RFTN1: variants seen among roughly 807,000 people sequenced by gnomAD.
RFTN1 encodes raftlin, lipid raft linker 1.
In RFTN1, 26 loss-of-function variants were observed where a neutral mutation model predicts 46.5. That is an observed-to-expected ratio of 0.56 (90% CI 0.41 to 0.78). RFTN1 has a LOEUF of 0.78. Among genes scored for constraint, RFTN1 ranks in the 30% least tolerant of loss-of-function variants. The pLI, the probability that RFTN1 is intolerant of heterozygous loss-of-function variation, is 0.00. For missense variants in RFTN1, 693 were observed against 718.7 expected (o/e 0.96, Z 0.41); for synonymous variants, 261 against 284.2 (o/e 0.92, Z 0.82).
At position 16,432,135 on chromosome 3, in the gene RFTN1, C is replaced by T. The variant is rs1028047320; in HGVS notation, c.332+1716G>A. Among the ~76,000 whole-genome samples the T allele has an allele frequency of 6.6e-5, 10 of 152,288 alleles. No homozygotes were observed. The East Asian group carries it at 1.9e-3, about 29-fold the overall frequency. On this transcript the variant is annotated intron_variant, in intron 3 of 9. Transcript: ENST00000334133. The stretch of plus-strand genomic sequence containing the variant: ...TATAAGCTACTGTCATTATACATAT[C>T]CTATGTGTCAGTGTCACTCAAAACC...
Position 16,484,683 on chromosome 3 carries a change from A to G in RFTN1, c.145+9042T>C, listed in dbSNP as rs912845840. 1.3e-5 allele frequency: 2 copies of G among 152,238 alleles called. No individual in the cohort carries two copies. The highest frequency in any genetic ancestry group is 4.8e-5 in the African/African-American group (2 of 41,460). 9.4% of individuals were successfully genotyped at this position (152,238 alleles called of 1,614,324 possible). On this transcript the variant is annotated intron_variant, in intron 2 of 9. Transcript: ENST00000334133. The surrounding 1 kb of genome is among the most constrained non-coding windows in gnomAD (Gnocchi z 4.6). ...GAATAAATTACCTTTGAACTTTTTC[A>G]TGTTGAAGCCCTTCAATTTAGTTTA...
chr3:16,460,237 A>AT lies in RFTN1; in HGVS notation c.146-26201dup, dbSNP rs1250610036. Reference sequence around the variant, plus strand: ...TTTTTATCTATTGTGTTATTTTGATATTTGTACATTTACTGGGATCTGGCA... The same window carrying AT: ...TTTTTATCTATTGTGTTATTTTGATATTTTGTACATTTACTGGGATCTGGCA... On this transcript the variant is annotated intron_variant, in intron 2 of 9. Coordinates refer to ENST00000334133, the MANE Select transcript of RFTN1 (RefSeq NM_015150.2). The surrounding 1 kb of genome is among the most constrained non-coding windows in gnomAD (Gnocchi z 4.8). 6.6e-6 allele frequency among the ~76,000 whole-genome samples: 1 copy of AT among 152,150 alleles called. No homozygotes were observed. Among genetic ancestry groups the AT allele is most frequent in the Non-Finnish European group, 1.5e-5 (1 of 68,012 alleles).
intron 1 of RFTN1, among the ~76,000 whole-genome samples, chr3:16,497,443 A>G (rs2124999073): frequency 6.6e-6 from 1 of 152,194 alleles, no homozygotes; most frequent in African/African-American, 2.4e-5. Flanking sequence ...AGGCGAAAGG[A>G]CTCTTCTCTC....
At position 16,376,306 on chromosome 3, in the gene RFTN1, C is replaced by T. The variant is rs981850786; in HGVS notation, c.826+1412G>A. 3.9e-5 allele frequency among the ~76,000 whole-genome samples: 6 copies of T among 152,280 alleles called. No individual in the cohort carries two copies. In the East Asian group the frequency reaches 9.6e-4, roughly 24 times the overall value. On this transcript the variant is annotated intron_variant, in intron 5 of 9. Transcript: ENST00000334133. The surrounding 1 kb of genome is among the most constrained non-coding windows in gnomAD (Gnocchi z 4.7). ...TTTCAAAGGGTGAGAAACTGAGGCA[C>T]GGAAGGCAGGCCGGAATGTATACTC...
Position 16,468,758 on chromosome 3 carries a change from A to G in RFTN1, c.145+24967T>C, listed in dbSNP as rs763135821. ...CAAGCTGAGCCAATTATCACCAATC[A>G]TAAAAGATGACTTATAAGAGGCCCT... On this transcript the variant is annotated intron_variant, in intron 2 of 9. Coordinates refer to ENST00000334133, the MANE Select transcript of RFTN1 (RefSeq NM_015150.2). This position sits in a 1 kb window ranked among gnomAD's most constrained non-coding sequence, Gnocchi z 4.4. Among the ~76,000 whole-genome samples the G allele has an allele frequency of 1.3e-5, 2 of 152,254 alleles. No homozygotes were observed. The highest frequency in any genetic ancestry group is 2.9e-5 in the Non-Finnish European group (2 of 68,040).
chr3:16,513,220 T>C lies in RFTN1; in HGVS notation c.-9+222A>G, dbSNP rs1693743204. ...TACACCCGTTCCCCGCAAAAAAAAGTTGGCCCAAGATCCAGGCGTCCCAAG... is the reference window on the plus strand; with the variant it reads ...TACACCCGTTCCCCGCAAAAAAAAGCTGGCCCAAGATCCAGGCGTCCCAAG... On this transcript the variant is annotated intron_variant, in intron 1 of 9. Transcript: ENST00000334133. The surrounding 1 kb of genome is among the most constrained non-coding windows in gnomAD (Gnocchi z 5.4). 3 of 152,642 alleles carry C rather than the reference T, an allele frequency of 2.0e-5. No homozygotes were observed. Among genetic ancestry groups the C allele is most frequent in the Admixed American group, 1.3e-4 (2 of 15,288 alleles). The allele number at this position is 152,642 out of a possible 1,614,324, so 9.5% of individuals were successfully genotyped here.
intron 2 of RFTN1, among the ~76,000 whole-genome samples, chr3:16,464,942 G>A (rs1355625060): frequency 6.6e-6 from 1 of 152,166 alleles, no homozygotes; most frequent in Non-Finnish European, 1.5e-5. Flanking sequence ...TGCATGTGCG[G>A]TTCCCTGATT....
rs1412921035 is a variant in RFTN1, at chr3:16,424,358, T to G, written c.332+9493A>C. Among the ~76,000 whole-genome samples the G allele has an allele frequency of 6.6e-6, 1 of 152,212 alleles. No individual in the cohort carries two copies. The highest frequency in any genetic ancestry group is 1.5e-5 in the Non-Finnish European group (1 of 68,038). ...ATGAGAAGTGGGGAATGAGGGAAGG[T>G]CATGGTATCTTTTGGTTACAAAACA... On this transcript the variant is annotated intron_variant, in intron 3 of 9. Coordinates refer to ENST00000334133, the MANE Select transcript of RFTN1 (RefSeq NM_015150.2). This position sits in a 1 kb window ranked among gnomAD's most constrained non-coding sequence, Gnocchi z 4.7.
At chr3:16,508,599 A>C (rs1432907804) in intron 1 of RFTN1, among the ~76,000 whole-genome samples, 1 of 152,186 alleles carries the variant, frequency 6.6e-6, no homozygotes, top group Non-Finnish European at 1.5e-5. Flanking sequence ...AAAACATGCA[A>C]TGCTAATAAT....
At chr3:16,339,193 A>G (rs2071134650) in intron 7 of RFTN1, 1 of 152,208 alleles carries the variant, frequency 6.6e-6, no homozygotes, top group Admixed American at 6.5e-5. Context: ...CACATTCTCA[A>G]GCCATGCTGG....
At chr3:16,453,443 T>A (rs2075853227) in intron 2 of RFTN1, among the ~76,000 whole-genome samples, 1 of 152,200 alleles carries the variant, frequency 6.6e-6, no homozygotes, top group South Asian at 2.1e-4. Flanking sequence ...AAAATGACTC[T>A]TAAAAACCAA....
chr3:16,364,649 T>C (rs1243624319), intron 6 of RFTN1, among the ~76,000 whole-genome samples: 1 of 152,132 alleles, frequency 6.6e-6, no homozygotes, highest in African/African-American at 2.4e-5. Flanking sequence ...TGCTGTCCTA[T>C]ATGGGGCAAA....
rs73022288 is a variant in RFTN1 at position 16,440,690 on chromosome 3, G to A, written c.146-6653C>T. The stretch of plus-strand genomic sequence containing the variant: ...GGGACAAGATGGTTACTGCTAATGG[G>A]GGGGGGGCCCAATGGTGCCAGAACT... On this transcript the variant is annotated intron_variant, in intron 2 of 9. Coordinates refer to ENST00000334133, the MANE Select transcript of RFTN1 (RefSeq NM_015150.2). The surrounding 1 kb of genome is among the most constrained non-coding windows in gnomAD (Gnocchi z 4.6). Among the ~76,000 whole-genome samples the A allele has an allele frequency of 5.3e-5, 8 of 152,046 alleles. No individual in the cohort carries two copies. The highest frequency in any genetic ancestry group is 1.9e-4 in the East Asian group (1 of 5,186).
Position 16,418,361 on chromosome 3 carries a change from C to A in RFTN1, c.333-8878G>T, listed in dbSNP as rs1266278179. Among the ~76,000 whole-genome samples, 1 of 152,188 alleles carries A rather than the reference C, an allele frequency of 6.6e-6. No individual in the cohort carries two copies. The highest frequency in any genetic ancestry group is 1.5e-5 in the Non-Finnish European group (1 of 68,024). On this transcript the variant is annotated intron_variant, in intron 3 of 9. Transcript: ENST00000334133. This position sits in a 1 kb window ranked among gnomAD's most constrained non-coding sequence, Gnocchi z 5.0. ...AAACATGTAATAAATCCCATTTTGG[C>A]TCATAAATCCCTTAGATCTCTTCAA... is the stretch of plus-strand genomic sequence containing the variant.
At chr3:16,350,535 C>G (rs2072030740) in intron 7 of RFTN1, among the ~76,000 whole-genome samples, 1 of 150,922 alleles carries the variant, frequency 6.6e-6, no homozygotes, top group Non-Finnish European at 1.5e-5. Context: ...TCCATACATA[C>G]TATTCTGTAA....
chr3:16,493,918 T>C (rs1189928055), intron 1 of RFTN1, 41 bp from the exon 2 acceptor site: 1 of 1,611,038 alleles, frequency 6.2e-7, no homozygotes, highest in Admixed American at 1.7e-5. Flanking sequence ...GATTTTTTTC[T>C]GAGATTTTGT....
In RFTN1 at chr3:16,483,675, G is replaced by C. The variant is rs2124974754; in HGVS notation, c.145+10050C>G. 6.6e-6 allele frequency among the ~76,000 whole-genome samples: 1 copy of C among 152,150 alleles called. No homozygotes were observed. Among genetic ancestry groups the C allele is most frequent in the Non-Finnish European group, 1.5e-5 (1 of 68,012 alleles). The stretch of plus-strand genomic sequence containing the variant: ...GTTATGATTTGGTCATAATACATAG[G>C]TAGGTAAGTAAACATTTGTTGAATT... On this transcript the variant is annotated intron_variant, in intron 2 of 9. Coordinates refer to ENST00000334133, the MANE Select transcript of RFTN1 (RefSeq NM_015150.2). The surrounding 1 kb of genome is among the most constrained non-coding windows in gnomAD (Gnocchi z 4.8).
rs2071620322 is a variant in RFTN1, at chr3:16,345,788, C to CTCTGTGTGTGTGTG, written c.1146+12143_1146+12144insCACACACACACAGA. ...TGAGCCAAAACCTTATAATAAATCTCTGTGTGTGTGTGTGTGTGTGTGTGT... is the reference window on the plus strand; with the variant it reads ...TGAGCCAAAACCTTATAATAAATCTCTCTGTGTGTGTGTGTGTGTGTGTGTGTGTGTGTGTGTGT... On this transcript the variant is annotated intron_variant, in intron 7 of 9. Coordinates refer to ENST00000334133, the MANE Select transcript of RFTN1 (RefSeq NM_015150.2). The surrounding 1 kb of genome is among the most constrained non-coding windows in gnomAD (Gnocchi z 5.2). 7.9e-6 allele frequency among the ~76,000 whole-genome samples: 1 copy of CTCTGTGTGTGTGTG among 127,174 alleles called. No homozygotes were observed. Among genetic ancestry groups the CTCTGTGTGTGTGTG allele is most frequent in the Non-Finnish European group, 1.7e-5 (1 of 58,644 alleles). The allele number at this position is 127,174 out of a possible 152,430, so 83.4% of individuals were successfully genotyped here.
At chr3:16,472,032 C>T (rs2076206201) in intron 2 of RFTN1, 1 of 151,996 alleles carries the variant, frequency 6.6e-6, no homozygotes, top group Non-Finnish European at 1.5e-5. Context: ...CCAAGCACCT[C>T]CTGAATATGG....
Sources: allele counts gnomAD v4.1 joint callset (sites outside exome capture counted in the v4.1 genomes callset), GRCh38; gene constraint gnomAD v4.1.1; non-coding constraint Gnocchi (gnomAD v3.1); transcripts MANE v1.5; gene names NCBI Gene and HGNC (gene_info 2026-07-23, HGNC 2026-07-21).